PCNX1: variants seen among roughly 807,000 people sequenced by gnomAD.
PCNX1 encodes pecanex-like protein 1.
A neutral mutation model predicts 242.2 loss-of-function variants in PCNX1; 78 were observed. That is an observed-to-expected ratio of 0.32 (90% CI 0.27 to 0.39). The LOEUF is 0.39. Ranked by LOEUF, PCNX1 falls within the 10% of genes least tolerant of loss-of-function variation. The pLI is 1.00. For missense variants in PCNX1, 2,581 were observed against 2,856.5 expected (o/e 0.90, Z 2.20); for synonymous variants, 1,024 against 1,032.9 (o/e 0.99, Z 0.17).
chr14:71,017,352 A>G (rs1032425200), intron 11 of PCNX1, among the ~76,000 whole-genome samples: 1 of 152,210 alleles, frequency 6.6e-6, no homozygotes, highest in Non-Finnish European at 1.5e-5. Context: ...TTGGATTTCC[A>G]TATGCAAAAA....
chr14:71,028,768 G>A lies in PCNX1; in HGVS notation c.3535G>A (p.Gly1179Arg). The A allele has an allele frequency of 6.2e-7, 1 of 1,602,232 alleles. No homozygotes were observed. Among genetic ancestry groups the A allele is most frequent in the Non-Finnish European group, 8.5e-7 (1 of 1,172,678 alleles). Residue 1179 changes from glycine to arginine, a missense_variant, in exon 16 of 36, where the codon GGA becomes AGA. Gly to Arg is a moderately radical substitution (Grantham distance 125). Around this residue, in one of 9 missense-constraint regions of PCNX1, gnomAD observed 432 missense variants for 443.1 expected, o/e 0.97. Transcript: ENST00000304743. ...CSIVAVALLY[G>R]LCYGALKDSW... Reference sequence around the variant, plus strand: ...CATTGTTGCAGTAGCCTTATTGTATGGATTATGTTATGGGGCTTTAAAGGT... The same window carrying A: ...CATTGTTGCAGTAGCCTTATTGTATAGATTATGTTATGGGGCTTTAAAGGT...
chr14:70,938,077 C>G (rs953436091), intron 1 of PCNX1, among the ~76,000 whole-genome samples: 1 of 152,178 alleles, frequency 6.6e-6, no homozygotes, highest in Non-Finnish European at 1.5e-5. Context: ...CATCTGCAAA[C>G]AGGGACAATT....
Position 70,978,342 on chromosome 14 carries a change from A to G in PCNX1, c.2005A>G (p.Thr669Ala). The G allele has an allele frequency of 9.3e-6, 15 of 1,614,200 alleles. No homozygotes were observed. Among genetic ancestry groups the G allele is most frequent in the Non-Finnish European group, 1.3e-5 (15 of 1,180,026 alleles). ...CAAAGCTCATTTGGTTCCTGAAGGA[A>G]CCAGCAAAAAGCGTGCAACACGACG... Reference protein sequence around the residue: ...THKAHLVPEGTSKKRATRRTS... With the variant: ...THKAHLVPEGASKKRATRRTS... The change falls in exon 6 of 36, where the codon ACC (threonine) becomes GCC (alanine). Residue 669 changes from threonine to alanine, a missense_variant. Physicochemically the swap from Thr to Ala is moderately conservative, Grantham distance 58. Around this residue, in one of 9 missense-constraint regions of PCNX1, gnomAD observed 1,204 missense variants for 1,216.7 expected, o/e 0.99. Transcript: ENST00000304743.
intron 13 of PCNX1, among the ~76,000 whole-genome samples, chr14:71,023,922 CAA>C (rs1246997142): frequency 3.9e-5 from 6 of 151,928 alleles, no homozygotes; most frequent in African/African-American, 1.2e-4. Flanking sequence ...CAAAATAAAA[CAA>C]AGAGGCAAGT....
chr14:71,094,214 C>A (rs914676773), intron 30 of PCNX1, among the ~76,000 whole-genome samples: 3 of 152,180 alleles, frequency 2.0e-5, no homozygotes, highest in Admixed American at 6.5e-5. Flanking sequence ...TATGGTATAT[C>A]CACACAACAG....
chr14:71,065,155 A>T (rs2061416791), intron 26 of PCNX1, among the ~76,000 whole-genome samples: 1 of 152,190 alleles, frequency 6.6e-6, no homozygotes, highest in Non-Finnish European at 1.5e-5. Flanking sequence ...TGCTGGGTCA[A>T]ATGGTTTTTC....
intron 32 of PCNX1, among the ~76,000 whole-genome samples, chr14:71,104,168 A>G (rs1415475988): frequency 6.6e-6 from 1 of 152,224 alleles, no homozygotes; most frequent in African/African-American, 2.4e-5. Flanking sequence ...AGTGTTTTCA[A>G]ATATTCACAT....
intron 17 of PCNX1, 100 bp from the exon 18 acceptor site, chr14:71,033,831 C>T: frequency 1.4e-6 from 1 of 691,702 alleles, no homozygotes; most frequent in South Asian, 1.7e-5. Flanking sequence ...ATTAAATATA[C>T]TCGAATCATT....
intron 1 of PCNX1, among the ~76,000 whole-genome samples, chr14:70,917,800 C>G (rs767221591): frequency 1.3e-5 from 2 of 152,306 alleles, no homozygotes; most frequent in Non-Finnish European, 2.9e-5. Flanking sequence ...TTGACTTAAC[C>G]TTCTCTGGCT....
intron 33 of PCNX1, among the ~76,000 whole-genome samples, chr14:71,108,249 G>A (rs779115950): frequency 6.6e-6 from 1 of 152,118 alleles, no homozygotes; most frequent in Non-Finnish European, 1.5e-5. Context: ...GATATATTAT[G>A]GAAGTATTCT....
intron 30 of PCNX1, among the ~76,000 whole-genome samples, chr14:71,101,640 TC>T (rs2062463755): frequency 6.6e-6 from 1 of 151,936 alleles, no homozygotes. Flanking sequence ...GTTTTAGCCT[TC>T]CTTACCTAAT....
At chr14:70,930,326 T>C (rs1274027235) in intron 1 of PCNX1, among the ~76,000 whole-genome samples, 1 of 152,160 alleles carries the variant, frequency 6.6e-6, no homozygotes, top group Non-Finnish European at 1.5e-5. Flanking sequence ...TGGATCAAGC[T>C]GCTCATCTCT....
chr14:70,929,005 A>G (rs1235710615), intron 1 of PCNX1, among the ~76,000 whole-genome samples: 1 of 152,202 alleles, frequency 6.6e-6, no homozygotes, highest in Admixed American at 6.5e-5. Context: ...GTTTTTGTGA[A>G]TCACCATTTC....
Position 71,108,717 on chromosome 14 carries a change from C to T in PCNX1, c.6415C>T (p.Arg2139Trp), listed in dbSNP as rs555796951. ...CTATAGCAGCCGGCATTCATCCCTC[C>T]GGATGTCCACCACTGGGTTTGTGCC... is the stretch of plus-strand genomic sequence containing the variant. ...YCYSSRHSSL[R>W]MSTTGFVPCR... The change falls in exon 34 of 36, where the codon CGG becomes TGG. Residue 2139 changes from arginine to tryptophan, a missense_variant. Coordinates refer to ENST00000304743, the MANE Select transcript of PCNX1 (RefSeq NM_014982.3). The T allele has an allele frequency of 8.7e-6, 14 of 1,614,242 alleles. No individual in the cohort carries two copies. Among genetic ancestry groups the T allele is most frequent in the Admixed American group, 6.7e-5 (4 of 60,036 alleles).
rs980255975 is a variant in PCNX1, at chr14:71,073,808, T to C, written c.5106+10T>C. The C allele has an allele frequency of 1.3e-6, 2 of 1,572,814 alleles. No homozygotes were observed. Among genetic ancestry groups the C allele is most frequent in the African/African-American group, 1.4e-5 (1 of 74,050 alleles). On this transcript the variant is annotated intron_variant, in intron 27 of 35. Coordinates refer to ENST00000304743, the MANE Select transcript of PCNX1 (RefSeq NM_014982.3). The stretch of plus-strand genomic sequence containing the variant: ...CACTTACTATGTCAAGGTAGGAGTA[T>C]GTGCCTACTTAGATCTTTAGATAAT...
intron 2 of PCNX1, among the ~76,000 whole-genome samples, chr14:70,960,887 C>G (rs957460786): frequency 3.9e-5 from 6 of 152,016 alleles, no homozygotes; most frequent in African/African-American, 1.4e-4. Flanking sequence ...AAACAGAGAG[C>G]CAAATCATGA....
chr14:70,925,232 G>A (rs780794241), intron 1 of PCNX1, among the ~76,000 whole-genome samples: 7 of 152,092 alleles, frequency 4.6e-5, no homozygotes, highest in Non-Finnish European at 1.0e-4. Flanking sequence ...CAAGTGATCT[G>A]CCTGCTTCAG....
intron 10 of PCNX1, 150 bp downstream of exon 10, chr14:71,011,699 A>G: frequency 1.7e-6 from 1 of 598,850 alleles, no homozygotes; most frequent in Admixed American, 3.2e-5. Flanking sequence ...GCTGCCCTCC[A>G]GTGGCTCTCT....
chr14:70,952,754 T>C (rs977965694), intron 2 of PCNX1, among the ~76,000 whole-genome samples: 1 of 152,210 alleles, frequency 6.6e-6, no homozygotes, highest in Non-Finnish European at 1.5e-5. Flanking sequence ...TTTTTTGTCT[T>C]GTGGTACATG....
Sources: allele counts gnomAD v4.1 joint callset (sites outside exome capture counted in the v4.1 genomes callset), GRCh38; gene constraint gnomAD v4.1.1; regional missense constraint gnomAD v4.1.1; transcripts MANE v1.5; gene names NCBI Gene and HGNC (gene_info 2026-07-23, HGNC 2026-07-21).